Variants in QTMAN observed in about 807,000 individuals in gnomAD.
QTMAN encodes tRNA-queuosine alpha-mannosyltransferase.
At chr2:143,967,707 C>G in the QTMAN span, among the ~76,000 whole-genome samples, 6 of 151,872 alleles carry the variant, frequency 4.0e-5, no homozygotes, top group African/African-American at 1.2e-4. Context: ...TTTGTGGAAG[C>G]GCTAGATAAG....
chr2:143,981,273 A>C, the QTMAN span, among the ~76,000 whole-genome samples: 1 of 152,218 alleles, frequency 6.6e-6, no homozygotes, highest in Non-Finnish European at 1.5e-5. Context: ...TGATAGCTGA[A>C]TAGAGACATT....
chr2:144,080,711 C>T, the QTMAN span, among the ~76,000 whole-genome samples: 2 of 152,046 alleles, frequency 1.3e-5, no homozygotes, highest in South Asian at 4.1e-4. Flanking sequence ...TTTTGCAAGT[C>T]ACCAGTACTT....
the QTMAN span, among the ~76,000 whole-genome samples, chr2:144,289,202 G>A: frequency 0.012 from 1,869 of 152,106 alleles, 26 homozygotes; most frequent in South Asian, 0.051. Context: ...CCCAGCTAGA[G>A]ACAGGGTTTA....
chr2:144,333,055 C>A, the QTMAN span, among the ~76,000 whole-genome samples: 1 of 152,172 alleles, frequency 6.6e-6, no homozygotes, highest in Non-Finnish European at 1.5e-5. Context: ...TGCTCTGCAG[C>A]CCGGAGCTCC....
At chr2:144,161,250 CA>C in the QTMAN span, among the ~76,000 whole-genome samples, 260 of 152,236 alleles carry the variant, frequency 1.7e-3, 2 homozygotes, top group African/African-American at 5.9e-3. Context: ...ATCATCAGAT[CA>C]CTTGGACATC....
At chr2:144,037,051 C>T in the QTMAN span, among the ~76,000 whole-genome samples, 16 of 151,998 alleles carry the variant, frequency 1.1e-4, no homozygotes, top group African/African-American at 2.9e-4. Flanking sequence ...TCAATTTATA[C>T]GAATACATAA....
the QTMAN span, among the ~76,000 whole-genome samples, chr2:144,140,051 G>A: frequency 4.8e-4 from 73 of 152,050 alleles, no homozygotes; most frequent in African/African-American, 1.5e-3. Flanking sequence ...AACTGCAGGC[G>A]TTAGAATGAT....
At chr2:144,155,929 A>T in the QTMAN span, among the ~76,000 whole-genome samples, 1 of 152,164 alleles carries the variant, frequency 6.6e-6, no homozygotes, top group African/African-American at 2.4e-5. Context: ...TTTTGTGCCC[A>T]AATAACAAAT....
At chr2:144,282,991 G>C in the QTMAN span, among the ~76,000 whole-genome samples, 2 of 152,170 alleles carry the variant, frequency 1.3e-5, no homozygotes, top group Non-Finnish European at 2.9e-5. Flanking sequence ...CCAGTCCAGA[G>C]GGAAAGAAGT....
the QTMAN span, among the ~76,000 whole-genome samples, chr2:144,243,257 A>C: frequency 6.6e-6 from 1 of 152,212 alleles, no homozygotes; most frequent in African/African-American, 2.4e-5. Flanking sequence ...TTAGCATCTA[A>C]GGTTTCTAAC....
chr2:143,959,495 A>T, the QTMAN span, among the ~76,000 whole-genome samples: 17 of 152,242 alleles, frequency 1.1e-4, no homozygotes, highest in Non-Finnish European at 1.9e-4. Flanking sequence ...ATCCTGGAGG[A>T]ATGTCACAGA....
chr2:144,054,781 A>T, the QTMAN span, among the ~76,000 whole-genome samples: 1 of 152,306 alleles, frequency 6.6e-6, no homozygotes, highest in South Asian at 2.1e-4. Context: ...CCAGAGACAG[A>T]ATGCAACTCC....
chr2:144,005,596 T>C, the QTMAN span, among the ~76,000 whole-genome samples: 1 of 152,148 alleles, frequency 6.6e-6, no homozygotes, highest in Non-Finnish European at 1.5e-5. Flanking sequence ...CATTTACTCT[T>C]GTTGATGCGG....
chr2:144,192,573 A>C, the QTMAN span, among the ~76,000 whole-genome samples: 1 of 152,246 alleles, frequency 6.6e-6, no homozygotes, highest in African/African-American at 2.4e-5. Flanking sequence ...GCAAAAGTAA[A>C]AATGTGTTCC....
the QTMAN span, among the ~76,000 whole-genome samples, chr2:144,073,075 C>T: frequency 0.014 from 2,175 of 152,132 alleles, 81 homozygotes; most frequent in East Asian, 0.12. Flanking sequence ...TCACGTCAAA[C>T]AGCACTGTAT....
the QTMAN span, among the ~76,000 whole-genome samples, chr2:143,965,827 TA>T: frequency 6.6e-6 from 1 of 152,180 alleles, no homozygotes; most frequent in Non-Finnish European, 1.5e-5. Context: ...CTGCAAGTGA[TA>T]AGTAACTCCA....
At chr2:144,234,626 A>C in the QTMAN span, among the ~76,000 whole-genome samples, 1 of 152,198 alleles carries the variant, frequency 6.6e-6, no homozygotes, top group Non-Finnish European at 1.5e-5. Flanking sequence ...CCTCCTGCAC[A>C]ATGCCATTGA....
At chr2:143,938,229 G>A in the QTMAN span, 3 of 152,196 alleles carry the variant, frequency 2.0e-5, no homozygotes, top group Non-Finnish European at 2.9e-5. Context: ...GGAAAAAGGA[G>A]AGATGTCTGC....
chr2:144,230,827 A>G, the QTMAN span, among the ~76,000 whole-genome samples: 1 of 152,158 alleles, frequency 6.6e-6, no homozygotes, highest in Non-Finnish European at 1.5e-5. Context: ...GGGAAATATG[A>G]GAAGATTTAG....
Sources: allele counts gnomAD v4.1 joint callset (sites outside exome capture counted in the v4.1 genomes callset), GRCh38; gene constraint gnomAD v4.1.1; transcripts MANE v1.5; gene names NCBI Gene and HGNC (gene_info 2026-07-23, HGNC 2026-07-21).